SNAP91: variants seen among roughly 807,000 people sequenced by gnomAD.
SNAP91 encodes the protein clathrin coat assembly protein AP180.
In SNAP91, 27 loss-of-function variants were observed where a neutral mutation model predicts 100.3. That is an observed-to-expected ratio of 0.27 (90% CI 0.20 to 0.37). The LOEUF (loss-of-function observed/expected upper bound fraction) is 0.37. Among genes scored for constraint, SNAP91 ranks in the 10% least tolerant of loss-of-function variants. SNAP91 has a pLI of 1.00. For synonymous variants in SNAP91, 404 were observed against 398.6 expected, an observed-to-expected ratio of 1.01 and a Z score of -0.16; for missense variants, 986 against 1,123.7, an observed-to-expected ratio of 0.88 and a Z score of 1.75.
At chr6:83,556,845 A>C (rs1475233497) in intron 28 of SNAP91, among the ~76,000 whole-genome samples, 1 of 152,194 alleles carries the variant, frequency 6.6e-6, no homozygotes, top group Non-Finnish European at 1.5e-5. Flanking sequence ...TATTAGCTAA[A>C]TATACTAGAA....
At chr6:83,656,526 G>T (rs2098409583) in intron 7 of SNAP91, among the ~76,000 whole-genome samples, 1 of 152,076 alleles carries the variant, frequency 6.6e-6, no homozygotes, top group African/African-American at 2.4e-5. Context: ...ACTAGGGGTG[G>T]TTAGCAGCAA....
At chr6:83,696,583 T>C (rs1384082215) in intron 2 of SNAP91, among the ~76,000 whole-genome samples, 2 of 152,154 alleles carry the variant, frequency 1.3e-5, no homozygotes, top group East Asian at 3.9e-4. Context: ...TTCATACTCC[T>C]AAAATGTGCC....
chr6:83,563,503 G>T (rs925779876), intron 26 of SNAP91, among the ~76,000 whole-genome samples: 1 of 152,130 alleles, frequency 6.6e-6, no homozygotes, highest in African/African-American at 2.4e-5. Context: ...TCTAAGTCAG[G>T]GCAGTTAGCA....
At chr6:83,669,001 T>C (rs1364685674) in intron 2 of SNAP91, among the ~76,000 whole-genome samples, 1 of 152,030 alleles carries the variant, frequency 6.6e-6, no homozygotes, top group Admixed American at 6.6e-5. Flanking sequence ...ACACTGACAT[T>C]AGCCTATAGT....
intron 2 of SNAP91, among the ~76,000 whole-genome samples, chr6:83,703,755 G>C (rs920479592): frequency 2.0e-5 from 3 of 152,148 alleles, no homozygotes; most frequent in African/African-American, 7.2e-5. Context: ...TGTGGGATAA[G>C]CTCATTACTA....
intron 2 of SNAP91, among the ~76,000 whole-genome samples, chr6:83,706,896 C>A (rs1357843551): frequency 6.6e-6 from 1 of 152,212 alleles, no homozygotes; most frequent in Non-Finnish European, 1.5e-5. Context: ...CCTCACCACC[C>A]AAAGCAGGTG....
intron 10 of SNAP91, among the ~76,000 whole-genome samples, chr6:83,616,690 C>T (rs949437139): frequency 2.6e-5 from 4 of 152,000 alleles, no homozygotes; most frequent in Non-Finnish European, 5.9e-5. Flanking sequence ...ACTATTTTTC[C>T]ATATATTGTG....
At chr6:83,692,765 A>T (rs1488804029) in intron 2 of SNAP91, among the ~76,000 whole-genome samples, 1 of 152,096 alleles carries the variant, frequency 6.6e-6, no homozygotes, top group African/African-American at 2.4e-5. Context: ...CAAAAGACAT[A>T]ACTAATGAGG....
At chr6:83,643,322 G>T (rs2097785528) in intron 7 of SNAP91, among the ~76,000 whole-genome samples, 1 of 152,078 alleles carries the variant, frequency 6.6e-6, no homozygotes, top group Non-Finnish European at 1.5e-5. Flanking sequence ...TATGGTTTTA[G>T]GTCTAACATT....
chr6:83,671,216 T>C (rs1265183312), intron 2 of SNAP91, among the ~76,000 whole-genome samples: 3 of 152,110 alleles, frequency 2.0e-5, no homozygotes, highest in Admixed American at 1.3e-4. Context: ...ACATCAGTCT[T>C]ACACATATTT....
chr6:83,698,706 A>C (rs2129037703), intron 2 of SNAP91, among the ~76,000 whole-genome samples: 1 of 152,284 alleles, frequency 6.6e-6, no homozygotes, highest in African/African-American at 2.4e-5. Context: ...TCTGTGATTC[A>C]AATTTATACT....
intron 1 of SNAP91, 61 bp from the exon 2 acceptor site, chr6:83,708,018 C>G (rs934275002): frequency 2.9e-6 from 4 of 1,393,826 alleles, no homozygotes; most frequent in South Asian, 3.3e-5. Flanking sequence ...TCCAAGCACC[C>G]AGGCCTTGCC....
At chr6:83,666,245 T>TA (rs1554318884) in intron 2 of SNAP91, among the ~76,000 whole-genome samples, 1 of 152,170 alleles carries the variant, frequency 6.6e-6, no homozygotes, top group South Asian at 2.1e-4. Flanking sequence ...GTGTATTTTT[T>TA]AAAAAAATTA....
intron 8 of SNAP91, among the ~76,000 whole-genome samples, chr6:83,630,955 A>C (rs981269517): frequency 2.6e-5 from 4 of 151,656 alleles, no homozygotes; most frequent in African/African-American, 9.7e-5. Flanking sequence ...TGTTCTTTCA[A>C]ATTTTTTGAT....
intron 6 of SNAP91, 144 bp from the exon 7 acceptor site, chr6:83,657,009 T>A (rs2098422947): frequency 8.6e-6 from 5 of 578,622 alleles, no homozygotes; most frequent in Non-Finnish European, 1.2e-5. Flanking sequence ...ACCCTACCAA[T>A]ATCAAAAGAT....
At chr6:83,664,653 T>C (rs2098641376) in intron 3 of SNAP91, among the ~76,000 whole-genome samples, 1 of 152,100 alleles carries the variant, frequency 6.6e-6, no homozygotes, top group Non-Finnish European at 1.5e-5. Context: ...TGAGATAAAA[T>C]CTACTTCTGG....
chr6:83,574,922 G>T, intron 26 of SNAP91, 88 bp downstream of exon 26: 1 of 790,960 alleles, frequency 1.3e-6, no homozygotes. Context: ...TACACCGTCG[G>T]CAGCAAAGTT....
At position 83,580,433 on chromosome 6, in the gene SNAP91, A is replaced by ACT; in HGVS notation, c.2299+16_2299+17insAG. ...ATGCTTCAGTTAAAGAAAAAAAAAA[A>ACT]AAACTAGATTACTCACTGCCTACTA... On this transcript the variant is annotated intron_variant, in intron 24 of 29. Transcript: ENST00000369694. 6.4e-7 allele frequency: 1 copy of ACT among 1,573,956 alleles called. No homozygotes were observed. Among genetic ancestry groups the ACT allele is most frequent in the Non-Finnish European group, 8.6e-7 (1 of 1,167,498 alleles).
At chr6:83,637,089 C>T (rs1026247251) in intron 8 of SNAP91, among the ~76,000 whole-genome samples, 12 of 152,186 alleles carry the variant, frequency 7.9e-5, no homozygotes, top group African/African-American at 2.9e-4. Flanking sequence ...TATACTCTTA[C>T]TCAGCCAGAC....
Sources: allele counts gnomAD v4.1 joint callset (sites outside exome capture counted in the v4.1 genomes callset), GRCh38; gene constraint gnomAD v4.1.1; transcripts MANE v1.5; gene names NCBI Gene and HGNC (gene_info 2026-07-23, HGNC 2026-07-21).